Variants in TMEM117 observed in about 807,000 individuals in gnomAD.
The protein encoded by TMEM117 is transmembrane protein 117.
A neutral mutation model predicts 52.4 loss-of-function variants in TMEM117; 27 were observed. That is an observed-to-expected ratio of 0.51 (90% CI 0.38 to 0.71). The LOEUF (loss-of-function observed/expected upper bound fraction) is 0.71, where lower values mean the gene tolerates loss of function less well. TMEM117 is among the 30% of genes least tolerant of loss of function. The pLI is 0.00. For synonymous variants in TMEM117, 215 were observed against 206.3 expected, an observed-to-expected ratio of 1.04 and a Z score of -0.36; for missense variants, 556 against 630.5, an observed-to-expected ratio of 0.88 and a Z score of 1.26.
intron 1 of TMEM117, among the ~76,000 whole-genome samples, chr12:43,842,114 C>T (rs1244554611): frequency 1.3e-5 from 2 of 151,976 alleles, no homozygotes; most frequent in Non-Finnish European, 1.5e-5. Context: ...TGTGTGAAAT[C>T]GAGTTCAAAA....
At chr12:43,886,669 AG>A (rs1464610468) in intron 2 of TMEM117, among the ~76,000 whole-genome samples, 3 of 152,070 alleles carry the variant, frequency 2.0e-5, no homozygotes, top group Non-Finnish European at 4.4e-5. Flanking sequence ...CAGGATGTGC[AG>A]GTTTGCTACA....
intron 3 of TMEM117, among the ~76,000 whole-genome samples, chr12:44,108,244 G>A (rs1947997007): frequency 6.7e-6 from 1 of 149,982 alleles, no homozygotes; most frequent in South Asian, 2.1e-4. Flanking sequence ...TAGGGTACAT[G>A]TGCACATTGT....
intron 2 of TMEM117, among the ~76,000 whole-genome samples, chr12:43,900,460 C>T (rs1944285071): frequency 6.6e-6 from 1 of 152,112 alleles, no homozygotes; most frequent in African/African-American, 2.4e-5. Context: ...TGGCTCACAC[C>T]TGTAATCCCA....
chr12:44,045,699 C>T (rs1344213732), intron 3 of TMEM117, among the ~76,000 whole-genome samples: 2 of 152,014 alleles, frequency 1.3e-5, no homozygotes, highest in Non-Finnish European at 2.9e-5. Flanking sequence ...AAAAATTAGC[C>T]AAGCGTGGTG....
chr12:43,903,525 A>G (rs1944337278), intron 2 of TMEM117, among the ~76,000 whole-genome samples: 1 of 152,262 alleles, frequency 6.6e-6, no homozygotes, highest in Non-Finnish European at 1.5e-5. Flanking sequence ...AAAACTGGTT[A>G]GAATATTTGA....
chr12:43,994,995 G>A (rs757236815), intron 3 of TMEM117, among the ~76,000 whole-genome samples: 9 of 152,094 alleles, frequency 5.9e-5, no homozygotes, highest in Non-Finnish European at 1.2e-4. Flanking sequence ...TAAGGAATTC[G>A]GTTGGGTGTG....
At chr12:44,104,150 C>T (rs559758874) in intron 3 of TMEM117, among the ~76,000 whole-genome samples, 2 of 152,038 alleles carry the variant, frequency 1.3e-5, no homozygotes, top group South Asian at 4.1e-4. Context: ...TAAATGGAAG[C>T]TATCCTGGAA....
chr12:44,005,354 A>G (rs532629369), intron 3 of TMEM117, among the ~76,000 whole-genome samples: 14 of 152,238 alleles, frequency 9.2e-5, no homozygotes, highest in Non-Finnish European at 1.9e-4. Flanking sequence ...CTTGGCCAAC[A>G]TTATAAACCA....
At chr12:43,820,186 C>T in the TMEM117 span, among the ~76,000 whole-genome samples, 2 of 152,168 alleles carry the variant, frequency 1.3e-5, no homozygotes, top group Non-Finnish European at 2.9e-5. Flanking sequence ...CAACCTCCGC[C>T]TCTCCGGTTC....
chr12:44,220,557 T>G (rs1592617264), intron 5 of TMEM117, among the ~76,000 whole-genome samples: 1 of 152,212 alleles, frequency 6.6e-6, no homozygotes, highest in Middle Eastern at 3.4e-3. Flanking sequence ...CTGAGAGAGC[T>G]TAGATAGAAT....
chr12:43,927,384 C>T (rs1944796751), intron 2 of TMEM117, among the ~76,000 whole-genome samples: 1 of 151,278 alleles, frequency 6.6e-6, no homozygotes, highest in Non-Finnish European at 1.5e-5. Flanking sequence ...ATATGAAGTC[C>T]ATTAAATCAA....
the TMEM117 span, among the ~76,000 whole-genome samples, chr12:44,398,586 A>G: frequency 1.3e-5 from 2 of 152,222 alleles, no homozygotes; most frequent in South Asian, 4.2e-4. Flanking sequence ...ATATGGGGGA[A>G]AGTAACACCT....
At chr12:44,080,092 G>T (rs1398885032) in intron 3 of TMEM117, among the ~76,000 whole-genome samples, 1 of 150,848 alleles carries the variant, frequency 6.6e-6, no homozygotes, top group Non-Finnish European at 1.5e-5. Flanking sequence ...TCTGTCCAGA[G>T]TACCATTGTA....
intron 4 of TMEM117, among the ~76,000 whole-genome samples, chr12:44,176,000 T>C (rs1039993468): frequency 4.6e-5 from 7 of 152,150 alleles, no homozygotes; most frequent in Non-Finnish European, 1.0e-4. Flanking sequence ...GATGATTTAT[T>C]CAAGAAGTTT....
chr12:43,963,473 TA>T (rs1424726551), intron 3 of TMEM117, among the ~76,000 whole-genome samples: 3 of 152,140 alleles, frequency 2.0e-5, no homozygotes, highest in Non-Finnish European at 4.4e-5. Flanking sequence ...GAATAGATCT[TA>T]AAGGAGCAAC....
At chr12:43,817,971 T>C in the TMEM117 span, among the ~76,000 whole-genome samples, 1 of 152,190 alleles carries the variant, frequency 6.6e-6, no homozygotes, top group Non-Finnish European at 1.5e-5. Context: ...TGACTTCTAC[T>C]GCTTGAAAAT....
At chr12:44,364,078 A>G (rs1243239272) in intron 6 of TMEM117, among the ~76,000 whole-genome samples, 1 of 152,196 alleles carries the variant, frequency 6.6e-6, no homozygotes, top group Non-Finnish European at 1.5e-5. Context: ...TGATTTATGC[A>G]TATAACATTG....
At chr12:44,015,322 A>C (rs1315468352) in intron 3 of TMEM117, among the ~76,000 whole-genome samples, 1 of 152,306 alleles carries the variant, frequency 6.6e-6, no homozygotes, top group East Asian at 1.9e-4. Context: ...GATTCCATGA[A>C]GAACATATTT....
chr12:44,137,969 T>A (rs1352982423), intron 3 of TMEM117, among the ~76,000 whole-genome samples: 2 of 152,142 alleles, frequency 1.3e-5, no homozygotes, highest in Non-Finnish European at 2.9e-5. Flanking sequence ...TATGAAATAG[T>A]TGTACTAGAA....
Sources: allele counts gnomAD v4.1 joint callset (sites outside exome capture counted in the v4.1 genomes callset), GRCh38; gene constraint gnomAD v4.1.1; transcripts MANE v1.5; gene names NCBI Gene and HGNC (gene_info 2026-07-23, HGNC 2026-07-21).